The following SPATA16 variants were observed in gnomAD, a reference collection of about 807,000 sequenced individuals.
The protein encoded by SPATA16 is spermatogenesis associated 16.
In SPATA16, 36 loss-of-function variants were observed where a neutral mutation model predicts 63.3. That is an observed-to-expected ratio of 0.57 (90% CI 0.44 to 0.75). The LOEUF is 0.75. Ranked by LOEUF, SPATA16 falls within the 30% of genes least tolerant of loss-of-function variation. The probability of loss-of-function intolerance (pLI) is 0.00; values close to 1 mark genes in which losing one functional copy is unlikely to be tolerated. For missense variants in SPATA16, 646 were observed against 679.3 expected, an observed-to-expected ratio of 0.95 and a Z score of 0.54; for synonymous variants, 203 against 216.7, an observed-to-expected ratio of 0.94 and a Z score of 0.56.
chr3:173,115,087 A>G (rs1450055960), intron 2 of SPATA16, among the ~76,000 whole-genome samples: 6 of 152,154 alleles, frequency 3.9e-5, no homozygotes, highest in Admixed American at 6.5e-5. Flanking sequence ...AGGAGAGAGA[A>G]AAAAAAGAGG....
chr3:172,945,021 TAAAC>T (rs898900627), intron 6 of SPATA16, among the ~76,000 whole-genome samples: 11 of 152,270 alleles, frequency 7.2e-5, no homozygotes, highest in African/African-American at 2.4e-4. Flanking sequence ...AAAGGAATAA[TAAAC>T]AAATTTATGA....
chr3:173,120,266 A>G (rs773045515), intron 1 of SPATA16, among the ~76,000 whole-genome samples: 1 of 152,200 alleles, frequency 6.6e-6, no homozygotes, highest in African/African-American at 2.4e-5. Context: ...GAGTAAAAAT[A>G]AACTTTAGTC....
intron 2 of SPATA16, among the ~76,000 whole-genome samples, chr3:173,095,148 T>G (rs1737321524): frequency 6.6e-6 from 1 of 152,176 alleles, no homozygotes; most frequent in Admixed American, 6.6e-5. Flanking sequence ...AGCCTTAGTT[T>G]CCTCATTTGC....
At chr3:173,048,783 T>C (rs1294964838) in intron 3 of SPATA16, among the ~76,000 whole-genome samples, 166 bp downstream of exon 3, 1 of 152,208 alleles carries the variant, frequency 6.6e-6, no homozygotes, top group African/African-American at 2.4e-5. Flanking sequence ...GGTTTTGAGA[T>C]TTTTGTGGTC....
intron 3 of SPATA16, among the ~76,000 whole-genome samples, chr3:173,048,687 C>T (rs1736011279): frequency 6.6e-6 from 1 of 152,110 alleles, no homozygotes; most frequent in Non-Finnish European, 1.5e-5. Context: ...TCGTTTCTTC[C>T]CGCAGCAATT....
rs1321409477 is a variant in SPATA16 at position 172,943,609 on chromosome 3, G to T, written c.1081+13068C>A. ...ACAAAATGTAGCTGGGCATGGTGGCGCATGCCTGTAATCCCAGCTACTCGA... is the reference window on the plus strand; with the variant it reads ...ACAAAATGTAGCTGGGCATGGTGGCTCATGCCTGTAATCCCAGCTACTCGA... On this transcript the variant is annotated intron_variant, in intron 6 of 10. Coordinates refer to ENST00000351008, the MANE Select transcript of SPATA16 (RefSeq NM_031955.6). Among the ~76,000 whole-genome samples, 6 of 152,198 alleles carry T rather than the reference G, an allele frequency of 3.9e-5. No individual in the cohort carries two copies. In the East Asian group the frequency reaches 1.2e-3, roughly 29 times the overall value.
At chr3:173,064,842 A>C (rs796522874) in intron 2 of SPATA16, among the ~76,000 whole-genome samples, 47 of 152,202 alleles carry the variant, frequency 3.1e-4, no homozygotes, top group African/African-American at 1.1e-3. Flanking sequence ...ATGACTTGGC[A>C]GGAAGGGGAA....
At chr3:172,981,929 G>C (rs1006342115) in intron 4 of SPATA16, among the ~76,000 whole-genome samples, 2 of 152,108 alleles carry the variant, frequency 1.3e-5, no homozygotes, top group Admixed American at 1.3e-4. Context: ...GCAGAGGTGA[G>C]CAGTTACAAA....
At chr3:173,014,595 G>A (rs1047796742) in intron 4 of SPATA16, among the ~76,000 whole-genome samples, 1 of 152,126 alleles carries the variant, frequency 6.6e-6, no homozygotes, top group Non-Finnish European at 1.5e-5. Context: ...AATGAAAGTT[G>A]AAAATATTTT....
intron 4 of SPATA16, among the ~76,000 whole-genome samples, chr3:172,999,263 A>T (rs1472280304): frequency 1.3e-5 from 2 of 152,104 alleles, no homozygotes; most frequent in East Asian, 1.9e-4. Flanking sequence ...TTCTTGTGTG[A>T]ATTTTGGCAG....
chr3:172,977,536 T>C (rs1404401866), intron 4 of SPATA16, among the ~76,000 whole-genome samples: 1 of 152,070 alleles, frequency 6.6e-6, no homozygotes, highest in East Asian at 1.9e-4. Flanking sequence ...AATAAAAAAA[T>C]CTCCAATTCA....
At chr3:173,029,138 T>C (rs1735538037) in intron 3 of SPATA16, among the ~76,000 whole-genome samples, 1 of 152,058 alleles carries the variant, frequency 6.6e-6, no homozygotes, top group Non-Finnish European at 1.5e-5. Context: ...ACTGGAAACA[T>C]TTAAATGATA....
At chr3:173,070,726 A>G (rs1736654789) in intron 2 of SPATA16, among the ~76,000 whole-genome samples, 1 of 152,218 alleles carries the variant, frequency 6.6e-6, no homozygotes. Flanking sequence ...ATAGTTACAA[A>G]TAAAATAAAA....
At chr3:173,134,343 A>T (rs1577192988) in intron 1 of SPATA16, among the ~76,000 whole-genome samples, 1 of 152,052 alleles carries the variant, frequency 6.6e-6, no homozygotes. Flanking sequence ...ATTAATGCTG[A>T]GTGAGTGAGG....
chr3:173,050,149 G>A (rs1736052300), intron 2 of SPATA16, among the ~76,000 whole-genome samples: 2 of 152,030 alleles, frequency 1.3e-5, no homozygotes, highest in Non-Finnish European at 2.9e-5. Flanking sequence ...AGACGGTTTT[G>A]CCATTTATAT....
At chr3:172,934,664 AATT>A (rs761199172) in intron 6 of SPATA16, among the ~76,000 whole-genome samples, 26 of 152,258 alleles carry the variant, frequency 1.7e-4, no homozygotes, top group African/African-American at 2.9e-4. Context: ...TTATGTACAA[AATT>A]ATTATTACTC....
chr3:172,965,224 C>T (rs1261026217), intron 5 of SPATA16, among the ~76,000 whole-genome samples: 4 of 152,224 alleles, frequency 2.6e-5, no homozygotes, highest in Admixed American at 2.6e-4. Context: ...ACAGCTACTT[C>T]ATGACAGAGA....
At chr3:172,970,270 AG>A (rs1734019567) in intron 5 of SPATA16, among the ~76,000 whole-genome samples, 2 of 152,160 alleles carry the variant, frequency 1.3e-5, no homozygotes, top group African/African-American at 4.8e-5. Flanking sequence ...TGTCTTCGAA[AG>A]GTACTTCTCG....
intron 2 of SPATA16, among the ~76,000 whole-genome samples, chr3:173,070,441 A>G (rs1426905212): frequency 6.6e-6 from 1 of 152,032 alleles, no homozygotes; most frequent in Non-Finnish European, 1.5e-5. Context: ...CTTTTATTCA[A>G]CATAGTACTA....
Sources: allele counts gnomAD v4.1 joint callset (sites outside exome capture counted in the v4.1 genomes callset), GRCh38; gene constraint gnomAD v4.1.1; transcripts MANE v1.5; gene names NCBI Gene and HGNC (gene_info 2026-07-23, HGNC 2026-07-21).